RBM27: variants seen among roughly 807,000 people sequenced by gnomAD.
RBM27 encodes the protein RNA binding motif protein 27, also known as RNA-binding protein 27.
RBM27 carries 22 observed loss-of-function variants against 135.3 expected under a neutral mutation model. The observed-to-expected ratio is 0.16, with a 90% CI of 0.12 to 0.23. The LOEUF is 0.23. Among genes scored for constraint, RBM27 ranks in the 10% least tolerant of loss-of-function variants. The pLI, the probability that RBM27 is intolerant of heterozygous loss-of-function variation, is 1.00. For missense variants in RBM27, 1,009 were observed against 1,281.0 expected, an observed-to-expected ratio of 0.79 and a Z score of 3.24; for synonymous variants, 481 against 442.4, an observed-to-expected ratio of 1.09 and a Z score of -1.10.
At chr5:146,262,993 C>T (rs1701623784) in intron 13 of RBM27, among the ~76,000 whole-genome samples, 1 of 151,724 alleles carries the variant, frequency 6.6e-6, no homozygotes, top group Non-Finnish European at 1.5e-5. Flanking sequence ...GTTCAGGCTA[C>T]CTGCCTCAGC....
intron 1 of RBM27, among the ~76,000 whole-genome samples, chr5:146,216,972 A>G (rs781142871): frequency 1.3e-5 from 2 of 151,070 alleles, no homozygotes; most frequent in African/African-American, 2.4e-5. Flanking sequence ...CTCTCTGTCT[A>G]TTTATTTATT....
chr5:146,259,537 C>G (rs1295964597), intron 11 of RBM27, among the ~76,000 whole-genome samples: 2 of 143,240 alleles, frequency 1.4e-5, no homozygotes, highest in African/African-American at 2.5e-5. Flanking sequence ...AGGTGGTGTT[C>G]TAGCCTTCAT....
At chr5:146,218,013 C>A (rs750845581) in intron 1 of RBM27, among the ~76,000 whole-genome samples, 55 of 152,174 alleles carry the variant, frequency 3.6e-4, no homozygotes, top group Admixed American at 7.9e-4. Flanking sequence ...CTGCCTCAGC[C>A]TCTCAGGATG....
chr5:146,284,823 C>A, intron 20 of RBM27, 91 bp downstream of exon 20: 1 of 783,752 alleles, frequency 1.3e-6, no homozygotes, highest in Non-Finnish European at 2.0e-6. Context: ...TTAAAAAATG[C>A]TGGGTTTTTC....
At position 146,258,486 on chromosome 5, in the gene RBM27, T is replaced by A; in HGVS notation, c.1632T>A (p.Pro544=). Residue 544 remains proline, a synonymous_variant, in exon 11 of 21, where the codon CCT becomes CCA. Coordinates refer to ENST00000265271, the MANE Select transcript of RBM27 (RefSeq NM_018989.2). The part of the protein sequence containing the change: ...NIVIQTEPPV[P]VSINSNITRV... ...TGATCCAGACTGAACCACCAGTTCC[T>A]GTTTCGATTAATAGCAACATAACCA... 1 of 1,601,962 alleles carries A rather than the reference T, an allele frequency of 6.2e-7. No individual in the cohort carries two copies. The highest frequency in any genetic ancestry group is 1.1e-5 in the South Asian group (1 of 89,100).
At chr5:146,210,111 T>C (rs1375377376) in intron 1 of RBM27, among the ~76,000 whole-genome samples, 1 of 152,226 alleles carries the variant, frequency 6.6e-6, no homozygotes. Context: ...ATCCACCTCT[T>C]GGCCATGGGC....
At chr5:146,220,307 C>T (rs1035039435) in intron 2 of RBM27, among the ~76,000 whole-genome samples, 1 of 151,934 alleles carries the variant, frequency 6.6e-6, no homozygotes, top group African/African-American at 2.4e-5. Context: ...GAAACCCCAT[C>T]TCTACTAAAA....
chr5:146,283,067 T>C (rs1296030040), intron 19 of RBM27, among the ~76,000 whole-genome samples: 1 of 152,204 alleles, frequency 6.6e-6, no homozygotes, highest in Non-Finnish European at 1.5e-5. Flanking sequence ...TTATTACAGA[T>C]TTAAAAATCT....
rs142704549 is a variant in RBM27 at position 146,215,086 on chromosome 5, A to G, written c.60-3899A>G. ...TTTTTTTGAGACTGAGTCGCGCTCT[A>G]TCGCCCAGGCTGGAGTGCACTGGCG... On this transcript the variant is annotated intron_variant, in intron 1 of 20. Transcript: ENST00000265271. Among the ~76,000 whole-genome samples, 662 of 152,218 alleles carry G rather than the reference A, an allele frequency of 4.3e-3. 3 individuals are homozygous for G. The highest frequency in any genetic ancestry group is 0.015 in the African/African-American group (627 of 41,544).
intron 14 of RBM27, among the ~76,000 whole-genome samples, chr5:146,264,225 C>T (rs1758518332): frequency 6.6e-6 from 1 of 151,792 alleles, no homozygotes; most frequent in South Asian, 2.1e-4. Flanking sequence ...CTCTTGTTGC[C>T]CAGGCTGGAG....
intron 2 of RBM27, among the ~76,000 whole-genome samples, chr5:146,220,953 C>A (rs1386621678): frequency 6.6e-6 from 1 of 151,824 alleles, no homozygotes; most frequent in East Asian, 1.9e-4. Context: ...CGCGGTGGCT[C>A]ATGCCTGTAA....
chr5:146,249,013 C>G (rs988319366), intron 8 of RBM27, among the ~76,000 whole-genome samples: 12 of 152,048 alleles, frequency 7.9e-5, no homozygotes, highest in Admixed American at 6.6e-4. Context: ...GACAGCATCT[C>G]ACCCTGTCAC....
At chr5:146,228,838 C>G (rs993124619) in intron 3 of RBM27, 108 bp from the exon 4 acceptor site, 2 of 721,306 alleles carry the variant, frequency 2.8e-6, no homozygotes, top group Admixed American at 5.1e-5. Flanking sequence ...GTCTCAATAT[C>G]CTGGCCTCAA....
At chr5:146,235,746 C>A (rs1423429300) in intron 7 of RBM27, among the ~76,000 whole-genome samples, 1 of 151,606 alleles carries the variant, frequency 6.6e-6, no homozygotes, top group African/African-American at 2.4e-5. Flanking sequence ...GTGGGGAGAT[C>A]TTGGCTCACG....
In RBM27 at chr5:146,230,749, C is replaced by G; in HGVS notation, c.682C>G (p.Gln228Glu). 6.2e-7 allele frequency: 1 copy of G among 1,613,980 alleles called. No homozygotes were observed. Among genetic ancestry groups the G allele is most frequent in the East Asian group, 2.2e-5 (1 of 44,876 alleles). ...VSAPPPNSSE[Q>E]YSSGAQSIPS... ...TGCACCACCTCCAAACTCTTCTGAG[C>G]AGTATTCCTCTGGGGCACAGTCTAT... Residue 228 changes from glutamine (Q) to glutamate (E), a missense_variant, in exon 6 of 21, where the codon CAG becomes GAG. Transcript: ENST00000265271.
At chr5:146,273,889 C>G (rs942190127) in intron 19 of RBM27, among the ~76,000 whole-genome samples, 6 of 152,120 alleles carry the variant, frequency 3.9e-5, no homozygotes, top group Non-Finnish European at 7.4e-5. Context: ...GGATTATGGT[C>G]GTATGCAAAT....
intron 1 of RBM27, among the ~76,000 whole-genome samples, chr5:146,205,305 T>C (rs1561517678): frequency 6.6e-6 from 1 of 152,246 alleles, no homozygotes; most frequent in African/African-American, 2.4e-5. Context: ...TCCTCCTTGC[T>C]TCTGCTTTAT....
intron 8 of RBM27, among the ~76,000 whole-genome samples, chr5:146,238,123 A>C (rs1220943975): frequency 2.6e-5 from 4 of 152,250 alleles, no homozygotes; most frequent in African/African-American, 4.8e-5. Flanking sequence ...CCTAATAATT[A>C]ACTTGCATAC....
intron 17 of RBM27, 44 bp downstream of exon 17, chr5:146,269,628 C>T: frequency 7.4e-7 from 1 of 1,351,002 alleles, no homozygotes; most frequent in Non-Finnish European, 9.8e-7. Flanking sequence ...TATTGAACAT[C>T]TGCCATGTGC....
Sources: allele counts gnomAD v4.1 joint callset (sites outside exome capture counted in the v4.1 genomes callset), GRCh38; gene constraint gnomAD v4.1.1; transcripts MANE v1.5; gene names NCBI Gene and HGNC (gene_info 2026-07-23, HGNC 2026-07-21).